COL8A1: variants seen among roughly 807,000 people sequenced by gnomAD.
COL8A1 encodes collagen alpha-1(VIII) chain.
Under a neutral mutation model 42.7 loss-of-function variants are expected in COL8A1, and 21 were observed. The observed-to-expected ratio is 0.49, with a 90% CI of 0.35 to 0.71. COL8A1 has a LOEUF of 0.71. Among genes scored for constraint, COL8A1 ranks in the 30% least tolerant of loss-of-function variants. The pLI, the probability that COL8A1 is intolerant of heterozygous loss-of-function variation, is 0.01. For synonymous variants in COL8A1, 367 were observed against 369.1 expected, an observed-to-expected ratio of 0.99 and a Z score of 0.06; for missense variants, 788 against 962.4, an observed-to-expected ratio of 0.82 and a Z score of 2.40.
At chr3:99,639,206 G>A (rs527352431) in intron 1 of COL8A1, among the ~76,000 whole-genome samples, 1 of 152,150 alleles carries the variant, frequency 6.6e-6, no homozygotes, top group Non-Finnish European at 1.5e-5. Context: ...CCTTTGCACG[G>A]GGACAGTAAG....
chr3:99,776,563 T>A (rs987142407), intron 2 of COL8A1, among the ~76,000 whole-genome samples: 4 of 151,876 alleles, frequency 2.6e-5, no homozygotes, highest in Non-Finnish European at 5.9e-5. Context: ...GCAAAAAAAA[T>A]TAGGAATAAA....
intron 2 of COL8A1, among the ~76,000 whole-genome samples, chr3:99,777,683 T>C (rs965587658): frequency 6.6e-6 from 1 of 152,232 alleles, no homozygotes; most frequent in African/African-American, 2.4e-5. Context: ...GTTTTTCTAG[T>C]GTTAACAAAG....
intron 2 of COL8A1, among the ~76,000 whole-genome samples, chr3:99,777,944 A>G (rs1941724771): frequency 1.3e-5 from 2 of 152,198 alleles, no homozygotes; most frequent in African/African-American, 4.8e-5. Context: ...CTGGGGAGAC[A>G]TCTTGTGTAA....
intron 1 of COL8A1, among the ~76,000 whole-genome samples, chr3:99,711,491 C>T (rs1939834464): frequency 6.6e-6 from 1 of 152,140 alleles, no homozygotes; most frequent in Non-Finnish European, 1.5e-5. Flanking sequence ...TCTGCAAAAC[C>T]AATGTCAGTT....
chr3:99,716,706 C>A (rs1251692607), intron 1 of COL8A1, among the ~76,000 whole-genome samples: 1 of 151,994 alleles, frequency 6.6e-6, no homozygotes, highest in Non-Finnish European at 1.5e-5. Flanking sequence ...CTCAGCACTT[C>A]TTTGCATGAC....
intron 1 of COL8A1, among the ~76,000 whole-genome samples, chr3:99,641,468 CA>C (rs1937507785): frequency 6.6e-6 from 1 of 152,182 alleles, no homozygotes. Flanking sequence ...TAAAAACCCA[CA>C]GTAATTTGCT....
chr3:99,642,156 T>C (rs2107279596), intron 1 of COL8A1, among the ~76,000 whole-genome samples: 1 of 152,256 alleles, frequency 6.6e-6, no homozygotes, highest in South Asian at 2.1e-4. Flanking sequence ...TCTAGAGAGA[T>C]AAGGAGTGAG....
At position 99,794,189 on chromosome 3, in the gene COL8A1, C is replaced by T. The variant is rs1324027805; in HGVS notation, c.329-41C>T. On this transcript the variant is annotated intron_variant, in intron 3 of 3. Coordinates refer to ENST00000652472, the MANE Select transcript of COL8A1 (RefSeq NM_020351.4). This position sits in a 1 kb window ranked among gnomAD's most constrained non-coding sequence, Gnocchi z 4.3. ...AGACAATCTACTAATCAATCTCTCT[C>T]TCTCCCCCCATACCCCTTCTCTCTC... 2.3e-6 allele frequency: 3 copies of T among 1,326,248 alleles called. No individual in the cohort carries two copies. The highest frequency in any genetic ancestry group is 2.1e-6 in the Non-Finnish European group (2 of 966,416). 82.2% of individuals were successfully genotyped at this position (1,326,248 alleles called of 1,614,324 possible). A position where few individuals can be genotyped will look rare whatever the true frequency, so the allele number is the denominator to read the frequency against.
intron 1 of COL8A1, among the ~76,000 whole-genome samples, chr3:99,686,950 A>G (rs1022176724): frequency 6.6e-6 from 1 of 152,136 alleles, no homozygotes; most frequent in Admixed American, 6.6e-5. Context: ...GGCTCACTGC[A>G]ACCCCTGCCT....
At position 99,658,342 on chromosome 3, in the gene COL8A1, T is replaced by G. The variant is rs530652551; in HGVS notation, c.-129+19678T>G. Reference sequence around the variant, plus strand: ...TTTAGGGCTTTTATTTACAATGTTTTGTTCTCTCCGCCCAGAACACCCTGC... The same window carrying G: ...TTTAGGGCTTTTATTTACAATGTTTGGTTCTCTCCGCCCAGAACACCCTGC... On this transcript the variant is annotated intron_variant, in intron 1 of 3. Transcript: ENST00000652472. Among the ~76,000 whole-genome samples the G allele has an allele frequency of 6.6e-4, 101 of 152,276 alleles. 2 individuals are homozygous for G. Among genetic ancestry groups the G allele is most frequent in the African/African-American group, 2.2e-3 (92 of 41,552 alleles).
At chr3:99,642,097 C>G (rs2107279520) in intron 1 of COL8A1, among the ~76,000 whole-genome samples, 1 of 152,256 alleles carries the variant, frequency 6.6e-6, no homozygotes, top group African/African-American at 2.4e-5. Flanking sequence ...ATATTAACAG[C>G]AGGTTACACC....
chr3:99,751,223 A>T (rs1204413209), intron 2 of COL8A1, among the ~76,000 whole-genome samples: 1 of 152,172 alleles, frequency 6.6e-6, no homozygotes, highest in Non-Finnish European at 1.5e-5. Context: ...TACCTCCTCC[A>T]ATGCCAATAT....
At chr3:99,722,710 C>A (rs1940190605) in intron 1 of COL8A1, among the ~76,000 whole-genome samples, 1 of 152,070 alleles carries the variant, frequency 6.6e-6, no homozygotes, top group Non-Finnish European at 1.5e-5. Context: ...AGGCATTCCT[C>A]TCATCATGAT....
chr3:99,761,981 A>G (rs1268945060), intron 2 of COL8A1, among the ~76,000 whole-genome samples: 1 of 152,192 alleles, frequency 6.6e-6, no homozygotes, highest in East Asian at 1.9e-4. Context: ...TGGCTGACAG[A>G]GAGGCGATAC....
At chr3:99,640,433 G>A (rs776287208) in intron 1 of COL8A1, among the ~76,000 whole-genome samples, 6 of 152,190 alleles carry the variant, frequency 3.9e-5, no homozygotes, top group South Asian at 2.1e-4. Flanking sequence ...ATGAAAATAC[G>A]CTGCTTCATT....
At chr3:99,752,642 A>G (rs1353531908) in intron 2 of COL8A1, among the ~76,000 whole-genome samples, 4 of 151,576 alleles carry the variant, frequency 2.6e-5, no homozygotes, top group Admixed American at 1.3e-4. Flanking sequence ...TCCCTCTCCT[A>G]TCAATTGAGA....
intron 1 of COL8A1, among the ~76,000 whole-genome samples, chr3:99,712,682 G>T (rs918534153): frequency 6.6e-6 from 1 of 152,080 alleles, no homozygotes; most frequent in Non-Finnish European, 1.5e-5. Flanking sequence ...TTTTTTGAAG[G>T]ATTACTTAGT....
intron 1 of COL8A1, among the ~76,000 whole-genome samples, chr3:99,688,845 T>C (rs1193767684): frequency 6.6e-6 from 1 of 152,118 alleles, no homozygotes; most frequent in African/African-American, 2.4e-5. Flanking sequence ...CTATTGAAAT[T>C]TGGACCAGAT....
At chr3:99,793,733 G>A (rs947654839) in intron 3 of COL8A1, among the ~76,000 whole-genome samples, 2 of 152,024 alleles carry the variant, frequency 1.3e-5, no homozygotes, top group Non-Finnish European at 2.9e-5. Flanking sequence ...TTGTCAGCTT[G>A]ATTTTTCTTT....
Sources: gnomAD v4.1 joint callset for allele counts (sites outside exome capture counted in the v4.1 genomes callset) on GRCh38, gnomAD v4.1.1 for gene constraint, Gnocchi (gnomAD v3.1) non-coding constraint, MANE v1.5 for transcripts, NCBI Gene and HGNC (gene_info 2026-07-23, HGNC 2026-07-21) for gene names.